SDHA: variants seen among roughly 807,000 people sequenced by gnomAD.
The protein encoded by SDHA is succinate dehydrogenase [ubiquinone] flavoprotein subunit, mitochondrial.
A neutral mutation model predicts 78.4 loss-of-function variants in SDHA; 48 were observed. The ratio of observed to expected loss-of-function variants is 0.61; its 90% CI spans 0.49 to 0.78. The LOEUF is 0.78. SDHA is among the 30% of genes least tolerant of loss of function. SDHA has a pLI of 0.00. For missense variants in SDHA, 680 were observed against 892.7 expected (o/e 0.76, Z 3.04); for synonymous variants, 326 against 353.9 (o/e 0.92, Z 0.88).
the SDHA span, among the ~76,000 whole-genome samples, chr5:264,624 G>A: frequency 6.6e-6 from 1 of 152,242 alleles, no homozygotes; most frequent in Non-Finnish European, 1.5e-5. Context: ...AGTCTGAGGA[G>A]TGACCTGGGG....
At chr5:236,142 AG>A in intron 9 of SDHA, 1 of 436,652 alleles carries the variant, frequency 2.3e-6, no homozygotes, top group South Asian at 2.1e-5. Flanking sequence ...TTTCCGCCTC[AG>A]CCTCCCTAGT....
intron 9 of SDHA, chr5:235,585 T>A (rs1248673443): frequency 1.8e-6 from 1 of 545,630 alleles, no homozygotes; most frequent in African/African-American, 1.9e-5. Context: ...GTAATTACTT[T>A]CCTATATGAT....
chr5:231,126 T>C, intron 7 of SDHA, 126 bp downstream of exon 7: 1 of 1,143,632 alleles, frequency 8.7e-7, no homozygotes, highest in South Asian at 1.3e-5. Flanking sequence ...CTTCCTCAGC[T>C]CTCAGGTCCT....
chr5:233,641 G>T lies in SDHA; in HGVS notation c.1060G>T (p.Gly354Ter), dbSNP rs746611221. 6.2e-7 allele frequency: 1 copy of T among 1,614,016 alleles called. No homozygotes were observed. The highest frequency in any genetic ancestry group is 8.5e-7 in the Non-Finnish European group (1 of 1,179,882). Residue 354 changes from glycine to a stop codon, truncating the protein, a stop_gained, in exon 8 of 15, where the codon GGA (glycine) becomes TGA (stop). Transcript: ENST00000264932. LOFTEE classifies it high-confidence loss of function. ...GTCCATGACTCTGGAGATCCGAGAA[G>T]GAAGGTGCGTGTGATTTACCACCAG... Reference protein sequence around the residue: ...SRSMTLEIREGRGCGPEKDHV... With the variant: ...SRSMTLEIRE
At chr5:225,847 G>T in intron 4 of SDHA, 36 bp from the exon 5 acceptor site, 1 of 1,611,112 alleles carries the variant, frequency 6.2e-7, no homozygotes, top group Admixed American at 1.7e-5. Context: ...ACTCCTTTAA[G>T]GTGTTAAGGT....
chr5:257,607 CA>C (rs1737290834), downstream of SDHA, among the ~76,000 whole-genome samples: 1 of 122,630 alleles, frequency 8.2e-6, no homozygotes, highest in Non-Finnish European at 1.6e-5. Flanking sequence ...TTGTGAGCTC[CA>C]CCCCCTGCCA....
At chr5:248,011 C>T (rs1024909964) in intron 11 of SDHA, among the ~76,000 whole-genome samples, 1 of 152,118 alleles carries the variant, frequency 6.6e-6, no homozygotes, top group African/African-American at 2.4e-5. Flanking sequence ...ATTTTTTGAG[C>T]CTGCCTAAAG....
the SDHA span, among the ~76,000 whole-genome samples, chr5:266,912 G>T: frequency 1.3e-5 from 2 of 152,248 alleles, no homozygotes; most frequent in African/African-American, 2.4e-5. Flanking sequence ...AGTAGACACG[G>T]TGGCCGCTGT....
At chr5:257,764 G>GC (rs1737301823), downstream of SDHA, among the ~76,000 whole-genome samples, 3 of 83,062 alleles carry the variant, frequency 3.6e-5, no homozygotes, top group Admixed American at 1.2e-4. Context: ...TGTGAGCTCC[G>GC]CCCCTGCCAG....
chr5:264,568 C>G, the SDHA span, among the ~76,000 whole-genome samples: 1 of 152,244 alleles, frequency 6.6e-6, no homozygotes, highest in African/African-American at 2.4e-5. Context: ...CCAGAGAAAG[C>G]CCCTAGGCAG....
chr5:229,939 A>C (rs1179123027), intron 6 of SDHA, among the ~76,000 whole-genome samples: 1 of 152,142 alleles, frequency 6.6e-6, no homozygotes, highest in Non-Finnish European at 1.5e-5. Context: ...GGCTAGAGTT[A>C]ATATACAGCA....
chr5:220,363 T>C, intron 1 of SDHA: 1 of 435,750 alleles, frequency 2.3e-6, no homozygotes. Flanking sequence ...TCCCTTAACA[T>C]GAACATCCAA....
chr5:228,039 G>A, intron 5 of SDHA, 146 bp from the exon 6 acceptor site: 1 of 796,760 alleles, frequency 1.3e-6, no homozygotes, highest in East Asian at 2.7e-5. Context: ...GGCTCTGACA[G>A]TGTCACTGAC....
intron 4 of SDHA, 68 bp downstream of exon 4, chr5:225,630 T>C: frequency 1.2e-6 from 2 of 1,606,986 alleles, no homozygotes; most frequent in East Asian, 2.2e-5. Context: ...TGGAAAAAAA[T>C]GTAAGCAATT....
In SDHA at chr5:230,932, G is replaced by T. The variant is rs1280177618; in HGVS notation, c.827G>T (p.Gly276Val). 6.2e-7 allele frequency: 1 copy of T among 1,614,026 alleles called. No individual in the cohort carries two copies. Among genetic ancestry groups the T allele is most frequent in the Non-Finnish European group, 8.5e-7 (1 of 1,179,880 alleles). ...TCTGCCCACACCAGCACTGGCGACG[G>T]CACGGCCATGATCACCAGGGCAGGC... Reference protein sequence around the residue: ...CTSAHTSTGDGTAMITRAGLP... With the variant: ...CTSAHTSTGDVTAMITRAGLP... The change falls in exon 7 of 15, where the codon GGC becomes GTC. Residue 276 changes from glycine to valine, a missense_variant. Gly to Val is a moderately radical substitution (Grantham distance 109). Transcript: ENST00000264932.
At chr5:225,297 C>A in intron 3 of SDHA, 122 bp from the exon 4 acceptor site, 1 of 1,278,158 alleles carries the variant, frequency 7.8e-7, no homozygotes, top group Non-Finnish European at 1.1e-6. Flanking sequence ...GGTCAGCCCT[C>A]ACTGGGAGTC....
Position 224,414 on chromosome 5 carries a change from G to T in SDHA, c.205G>T (p.Ala69Ser). 6.2e-7 allele frequency: 1 copy of T among 1,613,692 alleles called. No individual in the cohort carries two copies. Among genetic ancestry groups the T allele is most frequent in the Non-Finnish European group, 8.5e-7 (1 of 1,179,824 alleles). ...TGAATTTGATGCAGTGGTGGTAGGC[G>T]CTGGAGGGGCAGGCTTGCGAGCTGC... Reference protein sequence around the residue: ...DHEFDAVVVGAGGAGLRAAFG... With the variant: ...DHEFDAVVVGSGGAGLRAAFG... The change falls in exon 3 of 15, where the codon GCT becomes TCT. Residue 69 changes from alanine to serine, a missense_variant. Coordinates refer to ENST00000264932, the MANE Select transcript of SDHA (RefSeq NM_004168.4).
At chr5:232,987 C>T (rs1477170082) in intron 7 of SDHA, among the ~76,000 whole-genome samples, 5 of 152,122 alleles carry the variant, frequency 3.3e-5, no homozygotes, top group East Asian at 1.9e-4. Flanking sequence ...AAGACTTAAA[C>T]GAGTTAATAT....
At position 224,423 on chromosome 5, in the gene SDHA, G is replaced by T; in HGVS notation, c.214G>T (p.Ala72Ser). 2 of 1,613,652 alleles carry T rather than the reference G, an allele frequency of 1.2e-6. No homozygotes were observed. Among genetic ancestry groups the T allele is most frequent in the Non-Finnish European group, 1.7e-6 (2 of 1,179,804 alleles). Residue 72 changes from alanine to serine, a missense_variant, in exon 3 of 15, where the codon GCA becomes TCA. Coordinates refer to ENST00000264932, the MANE Select transcript of SDHA (RefSeq NM_004168.4). ...TGCAGTGGTGGTAGGCGCTGGAGGG[G>T]CAGGCTTGCGAGCTGCATTTGGCCT... ...FDAVVVGAGG[A>S]GLRAAFGLSE...
Sources: allele counts gnomAD v4.1 joint callset (sites outside exome capture counted in the v4.1 genomes callset), GRCh38; gene constraint gnomAD v4.1.1; transcripts MANE v1.5; gene names NCBI Gene and HGNC (gene_info 2026-07-23, HGNC 2026-07-21).